SGK1: variants seen among roughly 807,000 people sequenced by gnomAD.
The protein encoded by SGK1 is serum/glucocorticoid regulated kinase 1, also known as serine/threonine-protein kinase Sgk1.
In SGK1, 26 loss-of-function variants were observed where a neutral mutation model predicts 64.2. The ratio of observed to expected loss-of-function variants is 0.40; its 90% CI spans 0.30 to 0.56. The LOEUF is 0.56. SGK1 is among the 20% of genes least tolerant of loss of function. The pLI, the probability that SGK1 is intolerant of heterozygous loss-of-function variation, is 0.38. For missense variants in SGK1, 519 were observed against 645.6 expected (o/e 0.80, Z 2.12); for synonymous variants, 265 against 239.7 (o/e 1.11, Z -0.98).
intron 2 of SGK1, among the ~76,000 whole-genome samples, chr6:134,225,269 G>A (rs1776155805): frequency 6.6e-6 from 1 of 150,574 alleles, no homozygotes. Flanking sequence ...GAGAATCACT[G>A]GAACCAGGGA....
rs953462295 is a variant in SGK1 at position 134,184,050 on chromosome 6, C to T, written c.362-9464G>A. ...CTCTCCTCCTACCTTCTCCCTCCCTCCAGGTTTGTACCACTGTGGTGCTCT... is the reference window on the plus strand; with the variant it reads ...CTCTCCTCCTACCTTCTCCCTCCCTTCAGGTTTGTACCACTGTGGTGCTCT... On this transcript the variant is annotated intron_variant, in intron 3 of 13. Coordinates refer to ENST00000367858, the MANE Select transcript of SGK1 (RefSeq NM_001143676.3). Among the ~76,000 whole-genome samples the T allele has an allele frequency of 2.0e-5, 3 of 152,100 alleles. No individual in the cohort carries two copies. In the South Asian group the frequency reaches 6.2e-4, roughly 32 times the overall value.
intron 3 of SGK1, among the ~76,000 whole-genome samples, chr6:134,189,481 A>G (rs1437952559): frequency 6.6e-6 from 1 of 152,222 alleles, no homozygotes; most frequent in Non-Finnish European, 1.5e-5. Flanking sequence ...AGAAGCTACT[A>G]CTATAATATT....
chr6:134,198,933 T>C lies in SGK1; in HGVS notation c.361+8423A>G, dbSNP rs1258543588. Among the ~76,000 whole-genome samples the C allele has an allele frequency of 2.0e-5, 3 of 152,124 alleles. No homozygotes were observed. In the East Asian group the frequency reaches 5.8e-4, roughly 29 times the overall value. On this transcript the variant is annotated intron_variant, in intron 3 of 13. Transcript: ENST00000367858. ...CAAGGTGTCGCTCCGTCACCCAGGC[T>C]GGAGTGCAATGGCATGATCATGGCT...
intron 2 of SGK1, among the ~76,000 whole-genome samples, chr6:134,237,771 T>C (rs1000903131): frequency 6.6e-6 from 1 of 152,216 alleles, no homozygotes; most frequent in African/African-American, 2.4e-5. Context: ...AGCTTTGTTT[T>C]TTCCGTCCTA....
intron 2 of SGK1, among the ~76,000 whole-genome samples, chr6:134,213,615 A>AAAATAAGTAAATAAAT (rs1554221306): frequency 1.6e-5 from 2 of 122,960 alleles, no homozygotes; most frequent in Non-Finnish European, 3.3e-5. Context: ...ACTCTGTCTC[A>AAAATAAGTAAATAAAT]AAATAAATAA....
chr6:134,238,742 T>C (rs1377733045), intron 2 of SGK1, among the ~76,000 whole-genome samples: 1 of 152,118 alleles, frequency 6.6e-6, no homozygotes, highest in East Asian at 1.9e-4. Flanking sequence ...TAAAAACAAT[T>C]TTTTCCTAAT....
chr6:134,309,427 T>C (rs1777580290), intron 1 of SGK1, among the ~76,000 whole-genome samples: 1 of 152,208 alleles, frequency 6.6e-6, no homozygotes, highest in South Asian at 2.1e-4. Context: ...TGGTCTTTTA[T>C]AAATTTGCCA....
chr6:134,263,971 G>A (rs1413140463), intron 1 of SGK1, among the ~76,000 whole-genome samples: 1 of 151,902 alleles, frequency 6.6e-6, no homozygotes, highest in Non-Finnish European at 1.5e-5. Flanking sequence ...TATAAGAAAG[G>A]TACTATTTTC....
intron 1 of SGK1, chr6:134,296,967 G>T: frequency 2.4e-6 from 1 of 417,386 alleles, no homozygotes; most frequent in Non-Finnish European, 4.7e-6. Flanking sequence ...CCGCAAGAGG[G>T]GCAGGCTGGG....
chr6:134,259,677 G>A (rs1258771765), intron 2 of SGK1: 1 of 152,144 alleles, frequency 6.6e-6, no homozygotes, highest in Non-Finnish European at 1.5e-5. Context: ...TAGAAGGGCA[G>A]AGCTAAATAG....
At chr6:134,254,905 G>C (rs1321922990) in intron 2 of SGK1, among the ~76,000 whole-genome samples, 6 of 151,308 alleles carry the variant, frequency 4.0e-5, no homozygotes, top group Non-Finnish European at 7.4e-5. Context: ...TTTTGCTCTT[G>C]TTGCCCAGGT....
chr6:134,264,825 T>C (rs759447505), intron 1 of SGK1, among the ~76,000 whole-genome samples: 6 of 151,976 alleles, frequency 3.9e-5, no homozygotes, highest in Non-Finnish European at 7.4e-5. Context: ...TTTTAAATTG[T>C]TTTGTAGAGA....
intron 1 of SGK1, among the ~76,000 whole-genome samples, chr6:134,309,296 C>T (rs911074335): frequency 1.3e-5 from 2 of 152,194 alleles, no homozygotes; most frequent in Non-Finnish European, 2.9e-5. Context: ...CTCCACATGC[C>T]ATGGCAGCTG....
chr6:134,237,332 C>T (rs1459961677), intron 2 of SGK1, among the ~76,000 whole-genome samples: 1 of 151,172 alleles, frequency 6.6e-6, no homozygotes, highest in East Asian at 2.0e-4. Context: ...GCTAAGATTA[C>T]AGTCATGAGC....
At chr6:134,214,575 G>A (rs1388733489) in intron 2 of SGK1, among the ~76,000 whole-genome samples, 1 of 32,574 alleles carries the variant, frequency 3.1e-5, no homozygotes, top group African/African-American at 6.0e-5. Context: ...GGGATACGCT[G>A]TCTCAAAAAA....
chr6:134,252,094 G>A (rs1159956831), intron 2 of SGK1, among the ~76,000 whole-genome samples: 2 of 152,158 alleles, frequency 1.3e-5, no homozygotes, highest in South Asian at 2.1e-4. Context: ...TATGTACTTC[G>A]TGATAGGTAA....
intron 1 of SGK1, among the ~76,000 whole-genome samples, chr6:134,291,296 G>A (rs1777259660): frequency 6.6e-6 from 1 of 152,096 alleles, no homozygotes; most frequent in African/African-American, 2.4e-5. Flanking sequence ...AAAAATTACA[G>A]GAGGCTGTTG....
At chr6:134,306,088 T>C (rs940788241) in intron 1 of SGK1, among the ~76,000 whole-genome samples, 3 of 152,124 alleles carry the variant, frequency 2.0e-5, no homozygotes, top group African/African-American at 7.2e-5. Flanking sequence ...ATTAAAAAGC[T>C]TTACCAATAT....
chr6:134,208,235 A>G (rs1775825664), intron 2 of SGK1, among the ~76,000 whole-genome samples: 1 of 152,134 alleles, frequency 6.6e-6, no homozygotes, highest in Non-Finnish European at 1.5e-5. Flanking sequence ...TATAATCATA[A>G]CAGGATCTTT....
Sources: gnomAD v4.1 joint callset for allele counts (sites outside exome capture counted in the v4.1 genomes callset) on GRCh38, gnomAD v4.1.1 for gene constraint, MANE v1.5 for transcripts, NCBI Gene and HGNC (gene_info 2026-07-23, HGNC 2026-07-21) for gene names.